Variants in ALOXE3 observed in about 807,000 individuals in gnomAD.
The protein encoded by ALOXE3 is arachidonate epidermal lipoxygenase 3, also known as hydroperoxide isomerase ALOXE3.
A neutral mutation model predicts 87.5 loss-of-function variants in ALOXE3; 78 were observed. The observed-to-expected ratio is 0.89, with a 90% CI of 0.74 to 1.08. The LOEUF is 1.08. Ranked by LOEUF, ALOXE3 falls within the 50% of genes least tolerant of loss-of-function variation. The probability of loss-of-function intolerance (pLI) is 0.00; values close to 1 mark genes in which losing one functional copy is unlikely to be tolerated. For missense variants in ALOXE3, 946 were observed against 912.4 expected, an observed-to-expected ratio of 1.04 and a Z score of -0.47; for synonymous variants, 363 against 370.8, an observed-to-expected ratio of 0.98 and a Z score of 0.24.
rs138412009 is a variant in ALOXE3 at position 8,106,464 on chromosome 17, G to A, written c.1684+2004C>T. Among the ~76,000 whole-genome samples the A allele has an allele frequency of 6.6e-5, 10 of 152,102 alleles. No homozygotes were observed. In the East Asian group the frequency reaches 1.9e-3, roughly 29 times the overall value. On this transcript the variant is annotated intron_variant, in intron 13 of 15. Transcript: ENST00000448843. Reference sequence around the variant, plus strand: ...GAAGGCTGAGACAGGAGAATCAATAGAGCCCAGGAGTTTGAGACCAGCCTA... The same window carrying A: ...GAAGGCTGAGACAGGAGAATCAATAAAGCCCAGGAGTTTGAGACCAGCCTA...
chr17:8,106,689 G>C (rs1979338431), intron 13 of ALOXE3, among the ~76,000 whole-genome samples: 1 of 152,140 alleles, frequency 6.6e-6, no homozygotes, highest in Non-Finnish European at 1.5e-5. Flanking sequence ...ATCCGGGCGT[G>C]GTAGTGTGCG....
rs1979120927 is a variant in ALOXE3 at position 8,104,220 on chromosome 17, G to C, written c.1685-5C>G. ...TGCACAGCCGGCTTGGGAAACCTGG[G>C]TGTGGGGAGGAAGGGTAGAGGGTGT... On this transcript the variant is annotated splice_region_variant and splice_polypyrimidine_tract_variant and intron_variant, in intron 13 of 15. Transcript: ENST00000448843. 14 of 1,611,506 alleles carry C rather than the reference G, an allele frequency of 8.7e-6. No homozygotes were observed. Among genetic ancestry groups the C allele is most frequent in the Non-Finnish European group, 1.2e-5 (14 of 1,177,868 alleles).
upstream of ALOXE3, chr17:8,118,885 A>T: frequency 6.7e-7 from 1 of 1,496,046 alleles, no homozygotes. Context: ...AGAGAAGCCC[A>T]TAGCCCGCAG....
intron 15 of ALOXE3, among the ~76,000 whole-genome samples, chr17:8,097,472 G>A (rs1159329636): frequency 1.3e-5 from 2 of 152,108 alleles, no homozygotes; most frequent in East Asian, 3.9e-4. Flanking sequence ...CAGCATCCTG[G>A]TTCTAAGGTA....
chr17:8,104,083 G>A, intron 14 of ALOXE3, 32 bp downstream of exon 14: 1 of 1,593,880 alleles, frequency 6.3e-7, no homozygotes, highest in South Asian at 1.1e-5. Context: ...GCTGAGACCT[G>A]ATGTCCCCAG....
chr17:8,096,838 A>C (rs751676229), intron 15 of ALOXE3, 32 bp from the exon 16 acceptor site: 2 of 1,608,912 alleles, frequency 1.2e-6, no homozygotes, highest in Non-Finnish European at 1.7e-6. Flanking sequence ...GGTCAGGATG[A>C]CATTCAGATG....
chr17:8,113,634 C>T (rs1381187912), intron 6 of ALOXE3, among the ~76,000 whole-genome samples: 1 of 151,712 alleles, frequency 6.6e-6, no homozygotes, highest in Non-Finnish European at 1.5e-5. Flanking sequence ...GCCTGAGCAA[C>T]AGAGTGAGAC....
intron 13 of ALOXE3, among the ~76,000 whole-genome samples, chr17:8,106,323 C>T (rs932780895): frequency 5.3e-5 from 8 of 152,086 alleles, no homozygotes; most frequent in African/African-American, 1.2e-4. Context: ...ACCAGACATC[C>T]GCCTGGGAGT....
chr17:8,107,777 C>T (rs377566625), intron 13 of ALOXE3, among the ~76,000 whole-genome samples: 4 of 130,950 alleles, frequency 3.1e-5, no homozygotes, highest in South Asian at 5.2e-4. Context: ...CCAGCCTGGG[C>T]GACAGAGGGA....
Position 8,118,118 on chromosome 17 carries a change from G to GGCCTCAGCCCA in ALOXE3, c.-129_-128insTGGGCTGAGGC. The stretch of plus-strand genomic sequence containing the variant: ...GGCTAGGGGCTGCGGGGCTGGGTAG[G>GGCCTCAGCCCA]GCTGAGGATGGGCCCAGCTCTCTCT... On this transcript the variant is annotated 5_prime_UTR_variant, in exon 2 of 16. Coordinates refer to ENST00000448843, the MANE Select transcript of ALOXE3 (RefSeq NM_021628.3). 6.4e-7 allele frequency: 1 copy of GGCCTCAGCCCA among 1,552,026 alleles called. No homozygotes were observed. The highest frequency in any genetic ancestry group is 8.7e-7 in the Non-Finnish European group (1 of 1,147,688).
chr17:8,098,283 G>C (rs1366696708), intron 15 of ALOXE3, among the ~76,000 whole-genome samples: 6 of 120,796 alleles, frequency 5.0e-5, no homozygotes, highest in African/African-American at 1.8e-4. Context: ...CTGTCACCCA[G>C]GCTGGAGTGC....
At chr17:8,097,015 C>T (rs963871924) in intron 15 of ALOXE3, among the ~76,000 whole-genome samples, 1 of 152,210 alleles carries the variant, frequency 6.6e-6, no homozygotes, top group Non-Finnish European at 1.5e-5. Flanking sequence ...AGGGGACAGA[C>T]TGTGACGTAG....
In ALOXE3 at chr17:8,109,243, C is replaced by T. The variant is rs767373651; in HGVS notation, c.1493G>A (p.Arg498His). 3.7e-6 allele frequency: 6 copies of T among 1,613,988 alleles called. No individual in the cohort carries two copies. Among genetic ancestry groups the T allele is most frequent in the Non-Finnish European group, 5.1e-6 (6 of 1,180,050 alleles). ...NFCLPDSLRA[R>H]GVLAIPNYHY... ...GTAGTTGGGGATAGCCAGGACGCCG[C>T]GGGCCCGCAGGCTGTCCGGAAGGCA... is the stretch of plus-strand genomic sequence containing the variant. Residue 498 changes from arginine (R) to histidine (H), a missense_variant, in exon 12 of 16, where the codon CGC becomes CAC. Arg to His is a conservative substitution (Grantham distance 29). Transcript: ENST00000448843.
chr17:8,115,286 T>G (rs1253048467), intron 4 of ALOXE3, among the ~76,000 whole-genome samples: 2 of 152,204 alleles, frequency 1.3e-5, no homozygotes, highest in Non-Finnish European at 2.9e-5. Flanking sequence ...GAGATTAAAA[T>G]CATGGCCGGT....
chr17:8,112,276 G>C (rs1436597210), intron 6 of ALOXE3, 80 bp from the exon 7 acceptor site: 7 of 1,047,024 alleles, frequency 6.7e-6, no homozygotes, highest in Non-Finnish European at 1.0e-5. Context: ...TCTGCCTGGA[G>C]GAACTGACGG....
At chr17:8,100,337 G>A (rs534039341) in intron 15 of ALOXE3, among the ~76,000 whole-genome samples, 1 of 152,172 alleles carries the variant, frequency 6.6e-6, no homozygotes, top group South Asian at 2.1e-4. Flanking sequence ...TGGAGAGAGA[G>A]AAAAACCACA....
intron 13 of ALOXE3, among the ~76,000 whole-genome samples, chr17:8,105,943 A>C (rs1230108580): frequency 7.1e-6 from 1 of 140,950 alleles, no homozygotes; most frequent in African/African-American, 2.6e-5. Flanking sequence ...AAAAAGCCAG[A>C]GTAGGAAGGC....
In ALOXE3 at chr17:8,103,065, G is replaced by A. The variant is rs570923835; in HGVS notation, c.1956+258C>T. Among the ~76,000 whole-genome samples the A allele has an allele frequency of 4.6e-5, 7 of 152,306 alleles. No individual in the cohort carries two copies. The East Asian group carries it at 1.3e-3, about 29-fold the overall frequency. On this transcript the variant is annotated intron_variant, in intron 15 of 15. Coordinates refer to ENST00000448843, the MANE Select transcript of ALOXE3 (RefSeq NM_021628.3). ...AGTATCCAACAAATGTTTATTGAAT[G>A]TTTGCATTAACACATGAGTAGTTGA...
intron 8 of ALOXE3, among the ~76,000 whole-genome samples, 173 bp downstream of exon 8, chr17:8,111,186 T>C (rs1980046143): frequency 6.6e-6 from 1 of 152,160 alleles, no homozygotes. Flanking sequence ...AGTCTGACCC[T>C]CATCCGTATC....
Sources: gnomAD v4.1 joint callset for allele counts (sites outside exome capture counted in the v4.1 genomes callset) on GRCh38, gnomAD v4.1.1 for gene constraint, MANE v1.5 for transcripts, NCBI Gene and HGNC (gene_info 2026-07-23, HGNC 2026-07-21) for gene names.